Variants in SLC35F2 observed in about 807,000 individuals in gnomAD.
SLC35F2 encodes solute carrier family 35 member F2, also known as queuine/queuosine transporter SLC35F2.
SLC35F2 carries 25 observed loss-of-function variants against 38.1 expected under a neutral mutation model. That is an observed-to-expected ratio of 0.66 (90% CI 0.48 to 0.92). The LOEUF is 0.92. SLC35F2 is among the 40% of genes least tolerant of loss of function. The pLI is 0.00. For missense variants in SLC35F2, 409 were observed against 452.9 expected (o/e 0.90, Z 0.88); for synonymous variants, 173 against 181.7 (o/e 0.95, Z 0.38).
chr11:107,826,145 A>AT (rs1338012814), intron 1 of SLC35F2, among the ~76,000 whole-genome samples: 28 of 152,240 alleles, frequency 1.8e-4, no homozygotes, highest in African/African-American at 6.5e-4. Flanking sequence ...AGCAAGGCAC[A>AT]TATTTATATG....
chr11:107,853,719 CAAAA>C (rs67932834), intron 1 of SLC35F2, among the ~76,000 whole-genome samples: 8 of 68,190 alleles, frequency 1.2e-4, no homozygotes, highest in African/African-American at 4.8e-4. Context: ...GACTCCGTCT[CAAAA>C]AAAAAAAAAA....
At chr11:107,843,450 G>A (rs548391316) in intron 1 of SLC35F2, among the ~76,000 whole-genome samples, 5 of 151,770 alleles carry the variant, frequency 3.3e-5, no homozygotes, top group African/African-American at 7.3e-5. Flanking sequence ...CTCGGGAGGC[G>A]GAGGCAGGAG....
At position 107,811,726 on chromosome 11, in the gene SLC35F2, C is replaced by T. The variant is rs1859483266; in HGVS notation, c.355G>A (p.Val119Met). The T allele has an allele frequency of 3.7e-6, 6 of 1,613,686 alleles. No individual in the cohort carries two copies. Among genetic ancestry groups the T allele is most frequent in the African/African-American group, 1.3e-5 (1 of 74,906 alleles). ...CTGACGATCACATAATTAGCTTCCA[C>T]ATCTGCTAGTCCCAGCAGGATGTAC... The part of the protein sequence containing the change: ...WKYILLGLAD[V>M]EANYVIVRAY... The change falls in exon 3 of 8, where the codon GTG (valine) becomes ATG (methionine). Residue 119 changes from valine to methionine, a missense_variant. Coordinates refer to ENST00000525815, the MANE Select transcript of SLC35F2 (RefSeq NM_017515.5).
At chr11:107,853,719 C>CAAAAAAA (rs67932834) in intron 1 of SLC35F2, among the ~76,000 whole-genome samples, 5 of 68,128 alleles carry the variant, frequency 7.3e-5, no homozygotes, top group African/African-American at 1.8e-4. Flanking sequence ...GACTCCGTCT[C>CAAAAAAA]AAAAAAAAAA....
chr11:107,820,808 T>C (rs958464816), intron 1 of SLC35F2, among the ~76,000 whole-genome samples: 1 of 151,970 alleles, frequency 6.6e-6, no homozygotes, highest in Non-Finnish European at 1.5e-5. Flanking sequence ...ATACAAAAAT[T>C]AGCTGGGCAT....
At chr11:107,797,124 A>G (rs1407676452) in intron 7 of SLC35F2, among the ~76,000 whole-genome samples, 2 of 152,250 alleles carry the variant, frequency 1.3e-5, no homozygotes. Flanking sequence ...CAGTCTATGC[A>G]TGTAACAAAA....
In SLC35F2 at chr11:107,797,338, AAAG is replaced by A. The variant is rs1478567958; in HGVS notation, c.940-4541_940-4539del. Among the ~76,000 whole-genome samples the A allele has an allele frequency of 6.6e-5, 10 of 152,090 alleles. No individual in the cohort carries two copies. The East Asian group carries it at 1.9e-3, about 29-fold the overall frequency. ...CTAGGGAAGGAGGGAAAAGGAAGAGAAAGAAGATGAGAAGGAAGGAGGGGGTGG... is the reference window on the plus strand; with the variant it reads ...CTAGGGAAGGAGGGAAAAGGAAGAGAAAGATGAGAAGGAAGGAGGGGGTGG... On this transcript the variant is annotated intron_variant, in intron 7 of 7. Transcript: ENST00000525815.
At chr11:107,816,122 G>A in intron 1 of SLC35F2, 157 bp from the exon 2 acceptor site, 1 of 984,690 alleles carries the variant, frequency 1.0e-6, no homozygotes, top group Non-Finnish European at 1.2e-6. Context: ...AAATTAAAAT[G>A]TTAGTTACTG....
intron 1 of SLC35F2, among the ~76,000 whole-genome samples, chr11:107,856,484 C>G (rs1860283028): frequency 6.6e-6 from 1 of 152,148 alleles, no homozygotes; most frequent in South Asian, 2.1e-4. Flanking sequence ...CACTTGAGGT[C>G]AGGAGTTCAA....
chr11:107,808,250 G>C (rs531238734), intron 3 of SLC35F2, among the ~76,000 whole-genome samples: 1 of 152,078 alleles, frequency 6.6e-6, no homozygotes, highest in Non-Finnish European at 1.5e-5. Context: ...TTGATACTGG[G>C]TCCAGAAAAC....
intron 1 of SLC35F2, among the ~76,000 whole-genome samples, chr11:107,835,688 C>T (rs1236865247): frequency 6.6e-6 from 1 of 152,100 alleles, no homozygotes; most frequent in Non-Finnish European, 1.5e-5. Context: ...CCTCAGCCTC[C>T]CAAACACAAT....
intron 1 of SLC35F2, among the ~76,000 whole-genome samples, chr11:107,848,089 T>C (rs1426108695): frequency 2.0e-5 from 3 of 152,080 alleles, no homozygotes; most frequent in African/African-American, 7.2e-5. Context: ...TGTGCAGAGT[T>C]TGGGATAATA....
At chr11:107,816,041 C>G in intron 1 of SLC35F2, 76 bp from the exon 2 acceptor site, 4 of 1,442,662 alleles carry the variant, frequency 2.8e-6, no homozygotes, top group African/African-American at 1.5e-5. Context: ...CACACACACA[C>G]ACACACACAC....
chr11:107,856,905 A>AAGGGAGGG (rs59133662), intron 1 of SLC35F2, among the ~76,000 whole-genome samples: 37 of 77,806 alleles, frequency 4.8e-4, no homozygotes, highest in Non-Finnish European at 7.7e-4. Flanking sequence ...GGAAGGAAGG[A>AAGGGAGGG]AGGGAGGGAG....
At chr11:107,818,133 A>AAAGG (rs1491442021) in intron 1 of SLC35F2, among the ~76,000 whole-genome samples, 1 of 147,752 alleles carries the variant, frequency 6.8e-6, no homozygotes, top group Non-Finnish European at 1.5e-5. Context: ...AGAAAGAAAG[A>AAAGG]AAAAGAAACA....
chr11:107,852,959 G>A (rs1387742418), intron 1 of SLC35F2, among the ~76,000 whole-genome samples: 1 of 151,414 alleles, frequency 6.6e-6, no homozygotes, highest in Non-Finnish European at 1.5e-5. Context: ...CAGGAGACTC[G>A]CTTGAACTCA....
At chr11:107,794,100 A>G (rs1177206420) in intron 7 of SLC35F2, among the ~76,000 whole-genome samples, 2 of 106,458 alleles carry the variant, frequency 1.9e-5, no homozygotes, top group Non-Finnish European at 3.6e-5. Context: ...TTTTTTTTTT[A>G]GACAGAGTTT....
chr11:107,810,971 A>C, intron 3 of SLC35F2: 1 of 982,872 alleles, frequency 1.0e-6, no homozygotes, highest in Non-Finnish European at 1.2e-6. Flanking sequence ...AAAAAATGAA[A>C]AAAAAGTTAT....
At chr11:107,827,407 G>C (rs1366718441) in intron 1 of SLC35F2, among the ~76,000 whole-genome samples, 1 of 151,544 alleles carries the variant, frequency 6.6e-6, no homozygotes, top group Non-Finnish European at 1.5e-5. Flanking sequence ...TTGAGGTCAG[G>C]TGTTCAAGAC....
Sources: gnomAD v4.1 joint callset for allele counts (sites outside exome capture counted in the v4.1 genomes callset) on GRCh38, gnomAD v4.1.1 for gene constraint, MANE v1.5 for transcripts, NCBI Gene and HGNC (gene_info 2026-07-23, HGNC 2026-07-21) for gene names.